The following ADAMTS18 variants were observed in gnomAD, a reference collection of about 807,000 sequenced individuals.
ADAMTS18 encodes the protein A disintegrin and metalloproteinase with thrombospondin motifs 18.
In ADAMTS18, 157 loss-of-function variants were observed where a neutral mutation model predicts 165.9. The observed-to-expected ratio is 0.95, with a 90% CI of 0.83 to 1.08. ADAMTS18 has a LOEUF of 1.08. ADAMTS18 is among the 50% of genes least tolerant of loss of function. The pLI is 0.00. For synonymous variants in ADAMTS18, 782 were observed against 578.2 expected, an observed-to-expected ratio of 1.35 and a Z score of -5.06; for missense variants, 2,040 against 1,534.0, an observed-to-expected ratio of 1.33 and a Z score of -5.51.
chr16:77,382,900 C>T (rs1298199760), intron 3 of ADAMTS18, among the ~76,000 whole-genome samples: 12 of 152,234 alleles, frequency 7.9e-5, no homozygotes, highest in African/African-American at 2.4e-4. Context: ...TGGAAAGCGG[C>T]GGCTTGAATG....
chr16:77,298,804 C>G (rs562651843), intron 17 of ADAMTS18, among the ~76,000 whole-genome samples: 164 of 152,160 alleles, frequency 1.1e-3, no homozygotes, highest in South Asian at 2.5e-3. Context: ...GAAAAAATAA[C>G]AAAAACAAAA....
intron 3 of ADAMTS18, among the ~76,000 whole-genome samples, chr16:77,374,101 C>T (rs2056916011): frequency 6.6e-6 from 1 of 151,936 alleles, no homozygotes; most frequent in South Asian, 2.1e-4. Context: ...CACCTGTAAT[C>T]CCAGCTACTC....
chr16:77,308,506 C>T (rs557710922), intron 16 of ADAMTS18, among the ~76,000 whole-genome samples: 3 of 150,596 alleles, frequency 2.0e-5, no homozygotes, highest in African/African-American at 7.3e-5. Context: ...GGAGCATGAA[C>T]TAGTAAGATA....
rs2055990303 is a variant in ADAMTS18 at position 77,321,138 on chromosome 16, C to A, written c.2228G>T (p.Gly743Val). 1 of 1,614,104 alleles carries A rather than the reference C, an allele frequency of 6.2e-7. No individual in the cohort carries two copies. Among genetic ancestry groups the A allele is most frequent in the Non-Finnish European group, 8.5e-7 (1 of 1,179,986 alleles). ...AVSDACGVCKGDNSTCKFYKG... is the reference protein window; with the variant it reads ...AVSDACGVCKVDNSTCKFYKG... The stretch of plus-strand genomic sequence containing the variant: ...ATAAAACTTGCAAGTTGAATTATCA[C>A]CTTTGCAAACGCCACAAGCATCTGA... The change falls in exon 15 of 23, where the codon GGT (glycine) becomes GTT (valine). Residue 743 changes from glycine to valine, a missense_variant. Gly to Val is a moderately radical substitution (Grantham distance 109). Coordinates refer to ENST00000282849, the MANE Select transcript of ADAMTS18 (RefSeq NM_199355.4).
chr16:77,370,682 G>A (rs1192009483), intron 3 of ADAMTS18, among the ~76,000 whole-genome samples: 2 of 151,992 alleles, frequency 1.3e-5, no homozygotes, highest in African/African-American at 4.8e-5. Context: ...CTCAGGAGGC[G>A]GAGGTTACAG....
Position 77,285,467 on chromosome 16 carries a change from C to CA in ADAMTS18, c.3551-1397_3551-1396insT, listed in dbSNP as rs1204993506. ...GAATTACAGGTGTGAGGCACACCCC[C>CA]GGCCATTTTACTGTATTTTTAAGGC... On this transcript the variant is annotated intron_variant, in intron 22 of 22. Transcript: ENST00000282849. Among the ~76,000 whole-genome samples, 8 of 134,994 alleles carry CA rather than the reference C, an allele frequency of 5.9e-5. No individual in the cohort carries two copies. The Admixed American group carries it at 6.2e-4, about 10-fold the overall frequency. The allele number at this position is 134,994 out of a possible 152,430, so 88.6% of individuals were successfully genotyped here.
intron 16 of ADAMTS18, among the ~76,000 whole-genome samples, chr16:77,307,890 G>A (rs1241324829): frequency 1.3e-5 from 2 of 152,118 alleles, no homozygotes; most frequent in Non-Finnish European, 2.9e-5. Flanking sequence ...CTTCGTCAGT[G>A]GTGCTCACAC....
intron 16 of ADAMTS18, among the ~76,000 whole-genome samples, chr16:77,301,231 A>G (rs1489264383): frequency 6.6e-6 from 1 of 152,112 alleles, no homozygotes; most frequent in African/African-American, 2.4e-5. Context: ...ATGCATCATA[A>G]AACATTCTTC....
In ADAMTS18 at chr16:77,320,080, C is replaced by T; in HGVS notation, c.2301G>A (p.Val767=). The change falls in exon 16 of 23, where the codon GTG becomes GTA. Residue 767 remains valine (V), a synonymous_variant. Coordinates refer to ENST00000282849, the MANE Select transcript of ADAMTS18 (RefSeq NM_199355.4). ...NQHKANEYYP[V]VLIPAGARSI... is the part of the protein sequence containing the mutation. ...TTCGGGCGCCAGCTGGAATGAGGAC[C>T]ACCGGATAATATTCTAAATGGAAAG... 6.2e-7 allele frequency: 1 copy of T among 1,614,018 alleles called. No individual in the cohort carries two copies. Among genetic ancestry groups the T allele is most frequent in the African/African-American group, 1.3e-5 (1 of 75,000 alleles).
chr16:77,388,342 C>T (rs1323069240), intron 3 of ADAMTS18, among the ~76,000 whole-genome samples: 4 of 152,148 alleles, frequency 2.6e-5, no homozygotes, highest in East Asian at 1.9e-4. Context: ...TCAAGTGATC[C>T]GCCTGCCTCA....
At chr16:77,414,124 C>T (rs1415670661) in intron 3 of ADAMTS18, among the ~76,000 whole-genome samples, 2 of 152,166 alleles carry the variant, frequency 1.3e-5, no homozygotes, top group Admixed American at 6.5e-5. Flanking sequence ...CCAAGTGCCT[C>T]CAAACCAAAA....
intron 3 of ADAMTS18, among the ~76,000 whole-genome samples, chr16:77,380,121 A>G (rs2057010629): frequency 6.6e-6 from 1 of 152,148 alleles, no homozygotes; most frequent in South Asian, 2.1e-4. Context: ...AAATACTCCA[A>G]TAGGCTCAAA....
chr16:77,364,166 G>T, intron 5 of ADAMTS18, 22 bp downstream of exon 5: 1 of 1,613,832 alleles, frequency 6.2e-7, no homozygotes, highest in Non-Finnish European at 8.5e-7. Context: ...AGAGCCAGAA[G>T]GTTTGTGACA....
Position 77,319,927 on chromosome 16 carries a change from C to T in ADAMTS18, c.2454G>A (p.Thr818=), listed in dbSNP as rs371916219. 3.1e-6 allele frequency: 5 copies of T among 1,614,176 alleles called. No homozygotes were observed. The highest frequency in any genetic ancestry group is 1.7e-5 in the Admixed American group (1 of 60,026). The stretch of plus-strand genomic sequence containing the variant: ...GGTTGAAAGAGCGCTGGTATTCAAA[C>T]GTGGTCCCAGCGAAGGGGAACTCCC... ...WPGEFPFAGT[T]FEYQRSFNRP... is the part of the protein sequence containing the mutation. The change falls in exon 16 of 23, where the codon ACG becomes ACA. Residue 818 remains threonine, a synonymous_variant. Transcript: ENST00000282849.
chr16:77,291,485 G>A lies in ADAMTS18; in HGVS notation c.3190-7C>T. ...AACCACAGGTTGCAGAACACTAGGA[G>A]CCAAGACAGGATGTGTAAAAGTGAA... On this transcript the variant is annotated splice_polypyrimidine_tract_variant and splice_region_variant and intron_variant, in intron 20 of 22. Transcript: ENST00000282849. 1 of 1,613,884 alleles carries A rather than the reference G, an allele frequency of 6.2e-7. No homozygotes were observed. The highest frequency in any genetic ancestry group is 1.1e-5 in the South Asian group (1 of 91,078).
At chr16:77,341,296 A>T (rs2056393469) in intron 11 of ADAMTS18, among the ~76,000 whole-genome samples, 1 of 152,128 alleles carries the variant, frequency 6.6e-6, no homozygotes, top group South Asian at 2.1e-4. Context: ...AAGCTCAATG[A>T]CAGCTCCTGT....
At chr16:77,366,285 G>A (rs192292028) in intron 4 of ADAMTS18, among the ~76,000 whole-genome samples, 18 of 152,294 alleles carry the variant, frequency 1.2e-4, no homozygotes, top group Admixed American at 6.5e-4. Context: ...TTGGCTGGGC[G>A]CAGTGGCTCA....
chr16:77,416,859 G>C (rs977946296), intron 3 of ADAMTS18, among the ~76,000 whole-genome samples: 1 of 152,188 alleles, frequency 6.6e-6, no homozygotes, highest in East Asian at 1.9e-4. Context: ...CCAGGTGAGA[G>C]ATGAGAATGA....
intron 4 of ADAMTS18, among the ~76,000 whole-genome samples, chr16:77,364,804 A>G (rs28376943): frequency 3.1e-4 from 47 of 151,902 alleles, no homozygotes; most frequent in African/African-American, 1.1e-3. Context: ...AAGGAAAGAA[A>G]AGAAGAGAAA....
Sources: allele counts gnomAD v4.1 joint callset (sites outside exome capture counted in the v4.1 genomes callset), GRCh38; gene constraint gnomAD v4.1.1; transcripts MANE v1.5; gene names NCBI Gene and HGNC (gene_info 2026-07-23, HGNC 2026-07-21).